Variants in CLSTN2 observed in about 807,000 individuals in gnomAD.
The protein encoded by CLSTN2 is calsyntenin-2.
A neutral mutation model predicts 101.2 loss-of-function variants in CLSTN2; 48 were observed. The observed-to-expected ratio is 0.47, with a 90% CI of 0.38 to 0.60. The LOEUF is 0.60. Ranked by LOEUF, CLSTN2 falls within the 20% of genes least tolerant of loss-of-function variation. The pLI is 0.00. For missense variants in CLSTN2, 1,160 were observed against 1,238.2 expected (o/e 0.94, Z 0.95); for synonymous variants, 481 against 463.6 (o/e 1.04, Z -0.48).
chr3:140,556,047 G>A (rs922389778), intron 10 of CLSTN2, among the ~76,000 whole-genome samples: 12 of 152,324 alleles, frequency 7.9e-5, no homozygotes, highest in African/African-American at 2.9e-4. Flanking sequence ...TGAGCTTGAA[G>A]GTTGGAAGCT....
At chr3:140,054,803 A>C (rs1328819540) in intron 1 of CLSTN2, among the ~76,000 whole-genome samples, 2 of 152,186 alleles carry the variant, frequency 1.3e-5, no homozygotes, top group Non-Finnish European at 2.9e-5. Context: ...TTGGGGTAGG[A>C]AAAAGGAGAA....
At chr3:140,079,700 G>A (rs528726112) in intron 1 of CLSTN2, among the ~76,000 whole-genome samples, 7 of 149,402 alleles carry the variant, frequency 4.7e-5, no homozygotes, top group East Asian at 4.0e-4. Flanking sequence ...GCAGTGAGCC[G>A]AGGTTGTGCC....
chr3:140,380,648 C>G (rs2087970107), intron 2 of CLSTN2, among the ~76,000 whole-genome samples: 1 of 152,200 alleles, frequency 6.6e-6, no homozygotes, highest in Non-Finnish European at 1.5e-5. Flanking sequence ...ACCACCTTCT[C>G]TGCCTCACTG....
intron 2 of CLSTN2, among the ~76,000 whole-genome samples, chr3:140,345,888 G>T (rs75795079): frequency 1.3e-5 from 2 of 152,236 alleles, no homozygotes; most frequent in East Asian, 1.9e-4. Context: ...AAAGCCTTTC[G>T]CTGTGAATGA....
chr3:140,343,464 A>G (rs906745631), intron 2 of CLSTN2, among the ~76,000 whole-genome samples: 5 of 152,238 alleles, frequency 3.3e-5, no homozygotes, highest in Non-Finnish European at 5.9e-5. Flanking sequence ...TACTTGACAT[A>G]AGATTGCACG....
intron 5 of CLSTN2, among the ~76,000 whole-genome samples, chr3:140,443,340 G>A (rs567042531): frequency 2.6e-5 from 4 of 152,206 alleles, no homozygotes; most frequent in Non-Finnish European, 4.4e-5. Flanking sequence ...TTACAACAGC[G>A]CCAAAGCCTA....
intron 1 of CLSTN2, among the ~76,000 whole-genome samples, chr3:140,120,297 T>C (rs2009318336): frequency 6.6e-6 from 1 of 152,068 alleles, no homozygotes; most frequent in South Asian, 2.1e-4. Flanking sequence ...CAGGGAAACA[T>C]GTTTACTGGT....
intron 1 of CLSTN2, among the ~76,000 whole-genome samples, chr3:139,937,069 T>C (rs1206396791): frequency 6.8e-6 from 1 of 146,780 alleles, no homozygotes; most frequent in African/African-American, 2.5e-5. Context: ...TTTCCCAATA[T>C]AGACACTTTG....
chr3:140,238,708 G>T (rs960854869), intron 2 of CLSTN2, among the ~76,000 whole-genome samples: 1 of 152,096 alleles, frequency 6.6e-6, no homozygotes, highest in African/African-American at 2.4e-5. Flanking sequence ...AATACATGAG[G>T]AGTGTTTGTT....
chr3:140,059,693 C>A (rs1392641433), intron 1 of CLSTN2, among the ~76,000 whole-genome samples: 3 of 152,130 alleles, frequency 2.0e-5, no homozygotes, highest in African/African-American at 4.8e-5. Context: ...CCTATTAAGA[C>A]ACCCACTTGG....
intron 1 of CLSTN2, among the ~76,000 whole-genome samples, chr3:140,004,694 A>G (rs2006918790): frequency 6.6e-6 from 1 of 152,212 alleles, no homozygotes; most frequent in Non-Finnish European, 1.5e-5. Context: ...TCCAGTCAAG[A>G]AGGTTTGATT....
At chr3:140,149,078 T>C (rs2009823536) in intron 1 of CLSTN2, among the ~76,000 whole-genome samples, 1 of 152,152 alleles carries the variant, frequency 6.6e-6, no homozygotes, top group African/African-American at 2.4e-5. Flanking sequence ...CTCACCTGCC[T>C]TGCACACCAC....
At chr3:140,138,140 A>C (rs1296575181) in intron 1 of CLSTN2, among the ~76,000 whole-genome samples, 3 of 152,168 alleles carry the variant, frequency 2.0e-5, no homozygotes, top group Non-Finnish European at 4.4e-5. Flanking sequence ...ATCTCTCCAC[A>C]AGACCAAAAA....
At chr3:140,127,298 A>G (rs1429054020) in intron 1 of CLSTN2, among the ~76,000 whole-genome samples, 3 of 152,154 alleles carry the variant, frequency 2.0e-5, no homozygotes, top group African/African-American at 4.8e-5. Flanking sequence ...CTCACCTGTT[A>G]GATAGCAATA....
chr3:140,439,441 A>G (rs527328646), intron 5 of CLSTN2, among the ~76,000 whole-genome samples: 1 of 152,348 alleles, frequency 6.6e-6, no homozygotes, highest in Non-Finnish European at 1.5e-5. Context: ...TTCTTAGGTC[A>G]CAGAGTCAGT....
At chr3:140,151,954 C>G (rs1454772876) in intron 1 of CLSTN2, among the ~76,000 whole-genome samples, 1 of 152,100 alleles carries the variant, frequency 6.6e-6, no homozygotes, top group East Asian at 1.9e-4. Context: ...GGTGGATATC[C>G]AGGCTTTTCA....
At chr3:140,555,297 A>G (rs1935772215) in intron 10 of CLSTN2, among the ~76,000 whole-genome samples, 1 of 152,220 alleles carries the variant, frequency 6.6e-6, no homozygotes, top group African/African-American at 2.4e-5. Flanking sequence ...GGGCAAAAAC[A>G]TATATCCTGC....
At chr3:140,378,910 T>C (rs4368463) in intron 2 of CLSTN2, among the ~76,000 whole-genome samples, 145,445 of 152,306 alleles carry the variant, frequency 0.95, 69,796 homozygotes, top group East Asian at 1. Context: ...TTATATATGG[T>C]TTTACCCTTC....
At chr3:140,353,953 T>G (rs1170835320) in intron 2 of CLSTN2, among the ~76,000 whole-genome samples, 1 of 152,028 alleles carries the variant, frequency 6.6e-6, no homozygotes, top group Non-Finnish European at 1.5e-5. Context: ...ACTACAAGAG[T>G]GGGCCTAAGG....
Sources: allele counts gnomAD v4.1 joint callset (sites outside exome capture counted in the v4.1 genomes callset), GRCh38; gene constraint gnomAD v4.1.1; transcripts MANE v1.5; gene names NCBI Gene and HGNC (gene_info 2026-07-23, HGNC 2026-07-21).